FNIP1: variants seen among roughly 807,000 people sequenced by gnomAD.
The protein encoded by FNIP1 is folliculin-interacting protein 1.
In FNIP1, 40 loss-of-function variants were observed where a neutral mutation model predicts 124.5. The ratio of observed to expected loss-of-function variants is 0.32; its 90% CI spans 0.25 to 0.42. The LOEUF (loss-of-function observed/expected upper bound fraction) is 0.42, where lower values mean the gene tolerates loss of function less well. FNIP1 is among the 10% of genes least tolerant of loss of function. FNIP1 has a pLI of 1.00. For missense variants in FNIP1, 1,176 were observed against 1,403.7 expected (o/e 0.84, Z 2.59); for synonymous variants, 472 against 470.6 (o/e 1.00, Z -0.04).
At chr5:131,698,182 T>C (rs767846269) in intron 11 of FNIP1, among the ~76,000 whole-genome samples, 5 of 152,100 alleles carry the variant, frequency 3.3e-5, no homozygotes, top group African/African-American at 2.4e-5. Flanking sequence ...AGGTAGTAAA[T>C]GACAGAGCCA....
chr5:131,645,309 C>CAAA (rs34663555), intron 17 of FNIP1, among the ~76,000 whole-genome samples: 8 of 132,434 alleles, frequency 6.0e-5, no homozygotes, highest in Admixed American at 7.5e-5. Context: ...GACCCTGTCT[C>CAAA]AAAAAAAAAA....
chr5:131,737,873 T>C (rs924965782), intron 2 of FNIP1, among the ~76,000 whole-genome samples: 2 of 152,208 alleles, frequency 1.3e-5, no homozygotes, highest in African/African-American at 4.8e-5. Context: ...TCACCTGTAT[T>C]CCCTAGTGCT....
intron 11 of FNIP1, among the ~76,000 whole-genome samples, chr5:131,696,512 T>C (rs890630522): frequency 2.6e-5 from 4 of 152,194 alleles, no homozygotes; most frequent in Non-Finnish European, 4.4e-5. Flanking sequence ...GCTTTAGAGA[T>C]TGATTTCAAA....
intron 11 of FNIP1, among the ~76,000 whole-genome samples, chr5:131,687,980 A>G (rs1029255914): frequency 3.3e-5 from 5 of 152,178 alleles, no homozygotes; most frequent in African/African-American, 7.2e-5. Flanking sequence ...ATTTTACCAG[A>G]GCCTTATCTG....
At chr5:131,765,769 A>T (rs1175773729) in intron 1 of FNIP1, among the ~76,000 whole-genome samples, 1 of 152,110 alleles carries the variant, frequency 6.6e-6, no homozygotes, top group East Asian at 1.9e-4. Context: ...GCAGAATTTC[A>T]TCCTTGACCT....
At chr5:131,652,152 C>A (rs575835883) in intron 15 of FNIP1, among the ~76,000 whole-genome samples, 153 bp from the exon 16 acceptor site, 9 of 152,162 alleles carry the variant, frequency 5.9e-5, no homozygotes, top group Non-Finnish European at 1.2e-4. Flanking sequence ...ATAATTAACT[C>A]ATTAACAAAT....
chr5:131,796,638 G>A lies in FNIP1; in HGVS notation c.92+192C>T, dbSNP rs553781999. On this transcript the variant is annotated intron_variant, in intron 1 of 17. Coordinates refer to ENST00000510461, the MANE Select transcript of FNIP1 (RefSeq NM_133372.3). Reference sequence around the variant, plus strand: ...AAGGGGCAACGGCGAGGCGGGTGGGGTAAAATAAAAGGTAGGACCTCGCTC... The same window carrying A: ...AAGGGGCAACGGCGAGGCGGGTGGGATAAAATAAAAGGTAGGACCTCGCTC... 73 of 582,964 alleles carry A rather than the reference G, an allele frequency of 1.3e-4. No homozygotes were observed. In the African/African-American group the frequency reaches 1.4e-3, roughly 11 times the overall value. 36.1% of individuals were successfully genotyped at this position (582,964 alleles called of 1,614,324 possible).
intron 1 of FNIP1, among the ~76,000 whole-genome samples, chr5:131,778,083 T>TA (rs1395465785): frequency 6.6e-6 from 1 of 152,056 alleles, no homozygotes; most frequent in Non-Finnish European, 1.5e-5. Flanking sequence ...GTACTTTCTG[T>TA]TTTTTTGGCT....
At chr5:131,730,862 A>T (rs2149549973) in intron 3 of FNIP1, 42 bp downstream of exon 3, 2 of 1,522,662 alleles carry the variant, frequency 1.3e-6, no homozygotes, top group Non-Finnish European at 8.9e-7. Flanking sequence ...TTCAAAACTA[A>T]TTATAAATGA....
intron 16 of FNIP1, 137 bp from the exon 17 acceptor site, chr5:131,647,342 A>C (rs1174287889): frequency 4.7e-6 from 3 of 636,594 alleles, no homozygotes; most frequent in African/African-American, 1.8e-5. Context: ...GCACATTTTT[A>C]AAGTATGTAG....
At chr5:131,654,715 AG>A (rs1767140821) in intron 15 of FNIP1, among the ~76,000 whole-genome samples, 1 of 152,236 alleles carries the variant, frequency 6.6e-6, no homozygotes, top group East Asian at 1.9e-4. Flanking sequence ...TGAAGTGTAT[AG>A]ATAGGACTAC....
At chr5:131,692,468 T>C (rs1768514653) in intron 11 of FNIP1, among the ~76,000 whole-genome samples, 1 of 152,138 alleles carries the variant, frequency 6.6e-6, no homozygotes, top group East Asian at 1.9e-4. Context: ...TGTTAAAACG[T>C]CAATTCTTCC....
At chr5:131,759,570 G>A (rs185470013) in intron 1 of FNIP1, among the ~76,000 whole-genome samples, 2 of 152,240 alleles carry the variant, frequency 1.3e-5, no homozygotes, top group Admixed American at 6.5e-5. Context: ...CAATCAGGCT[G>A]GCTTTTATTA....
intron 1 of FNIP1, among the ~76,000 whole-genome samples, chr5:131,795,199 A>G (rs1317057033): frequency 6.6e-6 from 1 of 152,184 alleles, no homozygotes; most frequent in Non-Finnish European, 1.5e-5. Flanking sequence ...GGGCTTACAG[A>G]TAATTCTTAC....
At chr5:131,739,812 CA>C (rs60928249) in intron 2 of FNIP1, among the ~76,000 whole-genome samples, 1,093 of 31,382 alleles carry the variant, frequency 0.035, 5 homozygotes, top group African/African-American at 0.093. Flanking sequence ...GACTCCAGCT[CA>C]AAAAAAAAAA....
intron 3 of FNIP1, among the ~76,000 whole-genome samples, chr5:131,721,909 T>G (rs183143480): frequency 2.6e-4 from 39 of 152,344 alleles, no homozygotes; most frequent in Admixed American, 1.4e-3. Flanking sequence ...GCTTATCCAT[T>G]TGGTTACTAT....
At chr5:131,723,708 TA>T (rs966998606) in intron 3 of FNIP1, among the ~76,000 whole-genome samples, 4 of 152,242 alleles carry the variant, frequency 2.6e-5, no homozygotes, top group African/African-American at 7.2e-5. Context: ...TATATACATT[TA>T]AAAAAAATTA....
At chr5:131,665,492 G>A (rs1489587826) in intron 15 of FNIP1, among the ~76,000 whole-genome samples, 1 of 150,896 alleles carries the variant, frequency 6.6e-6, no homozygotes, top group Non-Finnish European at 1.5e-5. Flanking sequence ...ATATTAAAAG[G>A]TTCCTACATG....
rs77846852 is a variant in FNIP1 at position 131,764,307 on chromosome 5, C to CTT, written c.93-19619_93-19618dup. ...GCAATACAAGAATGGCCTAAAACAC[C>CTT]TTTTTTTTTTTTTTTTTTGAGACAG... On this transcript the variant is annotated intron_variant, in intron 1 of 17. Coordinates refer to ENST00000510461, the MANE Select transcript of FNIP1 (RefSeq NM_133372.3). Among the ~76,000 whole-genome samples, 559 of 137,048 alleles carry CTT rather than the reference C, an allele frequency of 4.1e-3. 9 individuals carry two copies. Among genetic ancestry groups the CTT allele is most frequent in the East Asian group, 0.037 (174 of 4,740 alleles). 89.9% of individuals were successfully genotyped at this position (137,048 alleles called of 152,430 possible).
Sources: allele counts gnomAD v4.1 joint callset (sites outside exome capture counted in the v4.1 genomes callset), GRCh38; gene constraint gnomAD v4.1.1; transcripts MANE v1.5; gene names NCBI Gene and HGNC (gene_info 2026-07-23, HGNC 2026-07-21).